The following USP50 variants were observed in gnomAD, a reference collection of about 807,000 sequenced individuals.
USP50 encodes the protein ubiquitin carboxyl-terminal hydrolase 50.
A neutral mutation model predicts 39.2 loss-of-function variants in USP50; 37 were observed. That is an observed-to-expected ratio of 0.94 (90% CI 0.73 to 1.24). The LOEUF is 1.24. Among genes scored for constraint, USP50 ranks in the 50% most tolerant of loss-of-function variants. The pLI is 0.00. For missense variants in USP50, 374 were observed against 398.2 expected (o/e 0.94, Z 0.52); for synonymous variants, 139 against 144.5 (o/e 0.96, Z 0.27).
chr15:50,509,667 A>C (rs2052713585), intron 6 of USP50: 1 of 152,142 alleles, frequency 6.6e-6, no homozygotes, highest in Non-Finnish European at 1.5e-5. Context: ...AATAAAATAA[A>C]ATAAAATAAA....
In USP50 at chr15:50,543,672, T is replaced by C; in HGVS notation, c.370A>G (p.Thr124Ala). The stretch of plus-strand genomic sequence containing the variant: ...TGAGCATCTTGTTGCATCTTTTTCG[T>C]AAATGCTGGGTAGAGGTTGCCAAGA... ...SALGNLYPAF[T>A]KKMQQDAQEF... Residue 124 changes from threonine to alanine, a missense_variant, in exon 3 of 7, where the codon ACG becomes GCG. Thr to Ala is a moderately conservative substitution (Grantham distance 58). Transcript: ENST00000532404. 1 of 1,613,594 alleles carries C rather than the reference T, an allele frequency of 6.2e-7. No individual in the cohort carries two copies.
intron 4 of USP50, 107 bp downstream of exon 4, chr15:50,540,939 TAAA>T: frequency 1.2e-6 from 1 of 831,740 alleles, no homozygotes; most frequent in African/African-American, 1.7e-5. Context: ...TTTTTTAAAT[TAAA>T]GTTATAAAGC....
rs199650210 is a variant in USP50, at chr15:50,541,153, T to G, written c.556A>C (p.Asn186His). 4.0e-4 allele frequency: 639 copies of G among 1,613,794 alleles called. No homozygotes were observed. Among genetic ancestry groups the G allele is most frequent in the Non-Finnish European group, 5.0e-4 (591 of 1,179,828 alleles). The change falls in exon 4 of 7, where the codon AAT (asparagine) becomes CAT (histidine). Residue 186 changes from asparagine to histidine, a missense_variant. By Grantham distance (68) the Asn-to-His change is moderately conservative. Transcript: ENST00000532404. ...IITQLFEEQL[N>H]YSIVCLKCEK... ...CACTTTAAACATACGATGCTATAAT[T>G]GAGCTGCTCTTCAAACAGCTGGGTG...
intron 6 of USP50, chr15:50,502,010 C>T (rs1487593205): frequency 6.6e-6 from 1 of 152,164 alleles, no homozygotes; most frequent in Non-Finnish European, 1.5e-5. Context: ...GCAGCCAATA[C>T]CATATGGCTT....
Position 50,544,786 on chromosome 15 carries a change from G to C in USP50, c.54-5C>G, listed in dbSNP as rs760668930. 2 of 1,610,394 alleles carry C rather than the reference G, an allele frequency of 1.2e-6. No individual in the cohort carries two copies. The highest frequency in any genetic ancestry group is 1.7e-6 in the Non-Finnish European group (2 of 1,177,496). On this transcript the variant is annotated splice_polypyrimidine_tract_variant and splice_region_variant and intron_variant, in intron 1 of 6. Transcript: ENST00000532404. ...TAGTAATCTGTGCACTCTGCACTGTGTTGGTGCCACATGGGAAGAAAGGGT... is the reference window on the plus strand; with the variant it reads ...TAGTAATCTGTGCACTCTGCACTGTCTTGGTGCCACATGGGAAGAAAGGGT...
intron 3 of USP50, among the ~76,000 whole-genome samples, chr15:50,542,197 G>T (rs2053034917): frequency 6.6e-6 from 1 of 152,258 alleles, no homozygotes; most frequent in Admixed American, 6.5e-5. Flanking sequence ...GAGCCTCAGT[G>T]GAATATACAT....
Position 50,523,175 on chromosome 15 carries a change from C to CTTTTTTTTTTTTTTTT in USP50, c.936+6606_936+6621dup, listed in dbSNP as rs57450027. Among the ~76,000 whole-genome samples, 32 of 104,208 alleles carry CTTTTTTTTTTTTTTTT rather than the reference C, an allele frequency of 3.1e-4. 1 individual carries two copies. The highest frequency in any genetic ancestry group is 8.0e-4 in the Admixed American group (6 of 7,540). The allele number at this position is 104,208 out of a possible 152,430, so 68.4% of individuals were successfully genotyped here. ...AAAATCAACATATAAAAATCAGTAGCTTTTTTTTTTTTTTTTTTGGTGAGA... is the reference window on the plus strand; with the variant it reads ...AAAATCAACATATAAAAATCAGTAGCTTTTTTTTTTTTTTTTTTTTTTTTTTTTTTTTTTGGTGAGA... On this transcript the variant is annotated intron_variant, in intron 6 of 6. Transcript: ENST00000532404.
intron 6 of USP50, chr15:50,505,538 CAATG>C (rs761297020): frequency 6.6e-5 from 10 of 152,186 alleles, no homozygotes; most frequent in Admixed American, 2.6e-4. Context: ...TTTAAAAACT[CAATG>C]AAGGAAGAAG....
rs535087284 is a variant in USP50, at chr15:50,540,934, T to A, written c.660+115A>T. 1.9e-4 allele frequency: 156 copies of A among 807,210 alleles called. 1 individual carries two copies. The East Asian group carries it at 2.6e-3, about 13-fold the overall frequency. 50.0% of individuals were successfully genotyped at this position (807,210 alleles called of 1,614,324 possible). The stretch of plus-strand genomic sequence containing the variant: ...CCACCGCACTCAGTCTATTTTTTTT[T>A]AAATTAAAGTTATAAAGCCGTCTCT... On this transcript the variant is annotated intron_variant, in intron 4 of 6. Transcript: ENST00000532404.
At chr15:50,513,442 G>C (rs2052764206) in intron 6 of USP50, 1 of 148,698 alleles carries the variant, frequency 6.7e-6, no homozygotes, top group Non-Finnish European at 1.5e-5. Flanking sequence ...GCTCACACCT[G>C]TAATCCCAGC....
At chr15:50,525,586 G>GTATATGTATATGTA (rs1566907586) in intron 6 of USP50, among the ~76,000 whole-genome samples, 15 of 126,144 alleles carry the variant, frequency 1.2e-4, no homozygotes, top group African/African-American at 4.9e-4. Flanking sequence ...ATGTATATAT[G>GTATATGTATATGTA]TATATGTATA....
chr15:50,505,182 T>C lies in USP50; in HGVS notation c.937-4345A>G, dbSNP rs189964079. On this transcript the variant is annotated intron_variant, in intron 6 of 6. Transcript: ENST00000532404. Reference sequence around the variant, plus strand: ...AGTGATAATGGCTGAAAATGATTAATGAGACATGAATCTTCACATTTAGGA... The same window carrying C: ...AGTGATAATGGCTGAAAATGATTAACGAGACATGAATCTTCACATTTAGGA... The C allele has an allele frequency of 3.3e-5, 5 of 152,108 alleles. No individual in the cohort carries two copies. The East Asian group carries it at 9.7e-4, about 29-fold the overall frequency. 9.4% of individuals were successfully genotyped at this position (152,108 alleles called of 1,614,324 possible).
At chr15:50,507,932 T>C (rs1042097275) in intron 6 of USP50, 1 of 151,862 alleles carries the variant, frequency 6.6e-6, no homozygotes, top group African/African-American at 2.4e-5. Flanking sequence ...TAGCTGGGCA[T>C]GGTGTCGGCT....
At chr15:50,496,248 G>A (rs531510127), downstream of USP50, among the ~76,000 whole-genome samples, 32 of 152,218 alleles carry the variant, frequency 2.1e-4, no homozygotes, top group Admixed American at 1.6e-3. Context: ...TTGGGAGGCC[G>A]AGGTGGGCGG....
intron 1 of USP50, among the ~76,000 whole-genome samples, chr15:50,545,053 CAT>C (rs964016076): frequency 6.6e-6 from 1 of 151,976 alleles, no homozygotes; most frequent in Non-Finnish European, 1.5e-5. Context: ...GCCAGGGTAA[CAT>C]AGTGAGATCT....
chr15:50,499,868 A>T (rs2052548686), downstream of USP50: 1 of 152,168 alleles, frequency 6.6e-6, no homozygotes, highest in Admixed American at 6.6e-5. Flanking sequence ...GTGCTATATA[A>T]TAACACCCAG....
At chr15:50,526,058 GTATTA>G (rs2052896424) in intron 6 of USP50, among the ~76,000 whole-genome samples, 1 of 152,020 alleles carries the variant, frequency 6.6e-6, no homozygotes, top group Non-Finnish European at 1.5e-5. Flanking sequence ...CTTTTATACA[GTATTA>G]TATTATTTTA....
intron 6 of USP50, among the ~76,000 whole-genome samples, chr15:50,515,265 G>A (rs566700370): frequency 4.2e-4 from 64 of 152,088 alleles, no homozygotes; most frequent in South Asian, 1.3e-3. Flanking sequence ...TTTTTGAGAC[G>A]GAGTCTTGCT....
intron 1 of USP50, among the ~76,000 whole-genome samples, chr15:50,494,461 G>A (rs1049019552): frequency 3.9e-5 from 6 of 152,120 alleles, no homozygotes; most frequent in Admixed American, 3.3e-4. Flanking sequence ...TATACAGTTG[G>A]TATTTACTAA....
Sources: gnomAD v4.1 joint callset for allele counts (sites outside exome capture counted in the v4.1 genomes callset) on GRCh38, gnomAD v4.1.1 for gene constraint, MANE v1.5 for transcripts, NCBI Gene and HGNC (gene_info 2026-07-23, HGNC 2026-07-21) for gene names.